SGMS2: variants seen among roughly 807,000 people sequenced by gnomAD.
The protein encoded by SGMS2 is sphingomyelin synthase 2.
Under a neutral mutation model 43.8 loss-of-function variants are expected in SGMS2, and 21 were observed. That is an observed-to-expected ratio of 0.48 (90% CI 0.34 to 0.69). The LOEUF (loss-of-function observed/expected upper bound fraction) is 0.69, where lower values mean the gene tolerates loss of function less well. SGMS2 is among the 30% of genes least tolerant of loss of function. The pLI is 0.01. For missense variants in SGMS2, 384 were observed against 443.2 expected, an observed-to-expected ratio of 0.87 and a Z score of 1.20; for synonymous variants, 167 against 160.6, an observed-to-expected ratio of 1.04 and a Z score of -0.30.
At chr4:107,849,024 A>ATT (rs369034722) in intron 1 of SGMS2, among the ~76,000 whole-genome samples, 9 of 151,128 alleles carry the variant, frequency 6.0e-5, no homozygotes, top group African/African-American at 4.9e-5. Flanking sequence ...ATCTAGATTC[A>ATT]TTTTTTTTTA....
intron 1 of SGMS2, among the ~76,000 whole-genome samples, chr4:107,841,283 A>G (rs1726482366): frequency 1.3e-5 from 2 of 152,326 alleles, no homozygotes; most frequent in Admixed American, 1.3e-4. Context: ...ATTACCAAAC[A>G]TGAGGCCCTT....
intron 2 of SGMS2, among the ~76,000 whole-genome samples, chr4:107,874,263 G>C (rs1334061922): frequency 6.6e-6 from 1 of 152,170 alleles, no homozygotes; most frequent in African/African-American, 2.4e-5. Context: ...GCTCTGTACA[G>C]GGGGCATTAC....
intron 1 of SGMS2, among the ~76,000 whole-genome samples, chr4:107,847,479 G>A (rs1018495051): frequency 6.6e-6 from 1 of 151,854 alleles, no homozygotes; most frequent in African/African-American, 2.4e-5. Context: ...CTATATCTCT[G>A]TTTTGGTACC....
chr4:107,903,963 TGTG>T (rs1235054284), intron 5 of SGMS2, among the ~76,000 whole-genome samples: 2 of 152,300 alleles, frequency 1.3e-5, no homozygotes, highest in Middle Eastern at 3.4e-3. Flanking sequence ...CAATAAGAAA[TGTG>T]GTGGCAAGAA....
Position 107,908,694 on chromosome 4 carries a change from G to T in SGMS2, c.857G>T (p.Arg286Leu). The T allele has an allele frequency of 6.2e-7, 1 of 1,613,836 alleles. No homozygotes were observed. The highest frequency in any genetic ancestry group is 1.1e-5 in the South Asian group (1 of 91,032). Reference sequence around the variant, plus strand: ...ATCATTGCTTATTATATCACAACACGACTGTTTTGGTGGTACCATTCAATG... The same window carrying T: ...ATCATTGCTTATTATATCACAACACTACTGTTTTGGTGGTACCATTCAATG... ...DVIIAYYITT[R>L]LFWWYHSMAN... The change falls in exon 6 of 7, where the codon CGA becomes CTA. Residue 286 changes from arginine (R) to leucine (L), a missense_variant. By Grantham distance (102) the Arg-to-Leu change is moderately radical. Transcript: ENST00000690982.
In SGMS2 at chr4:107,913,238, A is replaced by G. The variant is rs1347660565; in HGVS notation, c.*2685A>G. On this transcript the variant is annotated 3_prime_UTR_variant, in exon 7 of 7. Coordinates refer to ENST00000690982, the MANE Select transcript of SGMS2 (RefSeq NM_001375905.1). The stretch of plus-strand genomic sequence containing the variant: ...ACATATAATTCCTATAGAGTATGCC[A>G]CATTTTTTTTCTAACTCATTTCAAA... 1.3e-5 allele frequency: 2 copies of G among 152,062 alleles called. No individual in the cohort carries two copies. Among genetic ancestry groups the G allele is most frequent in the African/African-American group, 2.4e-5 (1 of 41,396 alleles). The allele number at this position is 152,062 out of a possible 1,614,324, so 9.4% of individuals were successfully genotyped here. A position where few individuals can be genotyped will look rare whatever the true frequency, so the allele number is the denominator to read the frequency against.
chr4:107,843,577 C>G (rs981258197), intron 1 of SGMS2, among the ~76,000 whole-genome samples: 15 of 152,178 alleles, frequency 9.9e-5, no homozygotes, highest in African/African-American at 3.6e-4. Context: ...GCCTGGAGTG[C>G]TCAGGTCAAC....
intron 2 of SGMS2, among the ~76,000 whole-genome samples, chr4:107,884,669 C>A (rs1343615290): frequency 6.6e-6 from 1 of 152,134 alleles, no homozygotes; most frequent in Admixed American, 6.5e-5. Context: ...TAATCAGAAA[C>A]CCAAAAGAAT....
chr4:107,896,902 TA>T (rs1401504144), intron 3 of SGMS2, among the ~76,000 whole-genome samples: 2 of 152,200 alleles, frequency 1.3e-5, no homozygotes, highest in Non-Finnish European at 2.9e-5. Flanking sequence ...TGGTAGTGAT[TA>T]AATCACTAAA....
At chr4:107,879,648 G>C (rs910169770) in intron 2 of SGMS2, among the ~76,000 whole-genome samples, 1 of 151,974 alleles carries the variant, frequency 6.6e-6, no homozygotes, top group Admixed American at 6.6e-5. Flanking sequence ...TTTTAGGAGA[G>C]ACAGGGTTTT....
At chr4:107,908,794 T>C (rs916432594) in intron 6 of SGMS2, 63 bp downstream of exon 6, 3 of 1,488,852 alleles carry the variant, frequency 2.0e-6, no homozygotes, top group Non-Finnish European at 2.8e-6. Context: ...CCTTTTCATG[T>C]CGTGGGGTTT....
chr4:107,855,943 GC>G (rs1727402858), intron 1 of SGMS2, among the ~76,000 whole-genome samples: 1 of 152,118 alleles, frequency 6.6e-6, no homozygotes, highest in South Asian at 2.1e-4. Context: ...CATGCCTGGA[GC>G]CATAATACTT....
intron 4 of SGMS2, 111 bp from the exon 5 acceptor site, chr4:107,903,122 A>C (rs1412743910): frequency 9.3e-7 from 1 of 1,078,480 alleles, no homozygotes; most frequent in Non-Finnish European, 1.4e-6. Flanking sequence ...TCTAGGTTAA[A>C]AAGAAAAAAA....
At chr4:107,877,982 C>G (rs370511658) in intron 2 of SGMS2, among the ~76,000 whole-genome samples, 2 of 134,134 alleles carry the variant, frequency 1.5e-5, no homozygotes, top group South Asian at 2.4e-4. Context: ...GTGGTGCAAT[C>G]TCGGCTCACT....
intron 1 of SGMS2, among the ~76,000 whole-genome samples, chr4:107,830,640 C>A (rs1352934010): frequency 6.6e-6 from 1 of 152,128 alleles, no homozygotes; most frequent in African/African-American, 2.4e-5. Context: ...TGATGTTGAG[C>A]ATTGTTTCCT....
At position 107,881,049 on chromosome 4, in the gene SGMS2, T is replaced by C. The variant is rs566603864; in HGVS notation, c.-244-14261T>C. On this transcript the variant is annotated intron_variant, in intron 2 of 6. Transcript: ENST00000690982. ...TTAATTAAATGGCAGATATGGGTGA[T>C]AGGGAAATTTTTAACAGGCTCCTTT... Among the ~76,000 whole-genome samples, 4 of 152,176 alleles carry C rather than the reference T, an allele frequency of 2.6e-5. No individual in the cohort carries two copies. The East Asian group carries it at 5.8e-4, about 22-fold the overall frequency.
chr4:107,852,440 A>G (rs1032950705), intron 1 of SGMS2, among the ~76,000 whole-genome samples: 3 of 152,156 alleles, frequency 2.0e-5, no homozygotes, highest in African/African-American at 7.2e-5. Context: ...TCTAATTATA[A>G]TAGCAACTCA....
intron 6 of SGMS2, among the ~76,000 whole-genome samples, chr4:107,909,581 T>TA (rs1228949276): frequency 6.6e-6 from 1 of 152,196 alleles, no homozygotes; most frequent in Non-Finnish European, 1.5e-5. Context: ...CATTGAAACT[T>TA]AAAGAGCTAG....
At chr4:107,868,454 C>T (rs559522171) in intron 2 of SGMS2, among the ~76,000 whole-genome samples, 8 of 152,128 alleles carry the variant, frequency 5.3e-5, no homozygotes, top group Non-Finnish European at 8.8e-5. Flanking sequence ...TGGTGGCTCT[C>T]GCCTGTAATC....
Sources: gnomAD v4.1 joint callset for allele counts (sites outside exome capture counted in the v4.1 genomes callset) on GRCh38, gnomAD v4.1.1 for gene constraint, MANE v1.5 for transcripts, NCBI Gene and HGNC (gene_info 2026-07-23, HGNC 2026-07-21) for gene names.